Variants in STAG1 observed in about 807,000 individuals in gnomAD.
The protein encoded by STAG1 is cohesin subunit SA-1.
STAG1 carries 26 observed loss-of-function variants against 170.9 expected under a neutral mutation model. The ratio of observed to expected loss-of-function variants is 0.15; its 90% CI spans 0.11 to 0.21. The LOEUF (loss-of-function observed/expected upper bound fraction) is 0.21, where lower values mean the gene tolerates loss of function less well. Ranked by LOEUF, STAG1 falls within the 10% of genes least tolerant of loss-of-function variation. STAG1 has a pLI of 1.00. For missense variants in STAG1, 964 were observed against 1,509.5 expected, an observed-to-expected ratio of 0.64 and a Z score of 5.99; for synonymous variants, 514 against 497.7, an observed-to-expected ratio of 1.03 and a Z score of -0.44.
At chr3:136,548,644 T>C (rs191741563) in intron 5 of STAG1, among the ~76,000 whole-genome samples, 16 of 152,340 alleles carry the variant, frequency 1.1e-4, no homozygotes, top group Non-Finnish European at 2.2e-4. Flanking sequence ...CAATATTAAG[T>C]CTTCCAATTC....
intron 21 of STAG1, among the ~76,000 whole-genome samples, chr3:136,405,683 C>G (rs541121851): frequency 6.7e-6 from 1 of 149,366 alleles, no homozygotes; most frequent in South Asian, 2.1e-4. Context: ...TGGTGAACCC[C>G]GTTTCTATTA....
In STAG1 at chr3:136,584,780, T is replaced by C. The variant is rs75930460; in HGVS notation, c.298-15919A>G. Reference sequence around the variant, plus strand: ...ATGGGGCTTTTAACTTTCTTAATTATGTTTTTTCAGGTCCTCTCTGCATCC... The same window carrying C: ...ATGGGGCTTTTAACTTTCTTAATTACGTTTTTTCAGGTCCTCTCTGCATCC... On this transcript the variant is annotated intron_variant, in intron 4 of 33. Transcript: ENST00000383202. Among the ~76,000 whole-genome samples, 690 of 152,324 alleles carry C rather than the reference T, an allele frequency of 4.5e-3. 7 individuals are homozygous for C. The highest frequency in any genetic ancestry group is 0.016 in the African/African-American group (673 of 41,572).
intron 1 of STAG1, among the ~76,000 whole-genome samples, chr3:136,751,190 T>G (rs1433679841): frequency 9.2e-5 from 14 of 152,000 alleles, no homozygotes; most frequent in Admixed American, 2.6e-4. Flanking sequence ...TTTTTGTTTT[T>G]TTTTTGTCTG....
chr3:136,568,286 T>C (rs1231449634), intron 5 of STAG1, among the ~76,000 whole-genome samples: 2 of 152,180 alleles, frequency 1.3e-5, no homozygotes, highest in East Asian at 3.9e-4. Flanking sequence ...AATTACACTT[T>C]AACAAACTGT....
chr3:136,390,736 T>C (rs1246595433), intron 22 of STAG1, among the ~76,000 whole-genome samples: 2 of 152,204 alleles, frequency 1.3e-5, no homozygotes, highest in Non-Finnish European at 2.9e-5. Flanking sequence ...ACTCTGCAGA[T>C]AGGGAGTTGC....
intron 1 of STAG1, among the ~76,000 whole-genome samples, chr3:136,646,799 G>A (rs1305849623): frequency 3.9e-5 from 6 of 151,994 alleles, no homozygotes; most frequent in Non-Finnish European, 5.9e-5. Context: ...CCAGCTACTC[G>A]GGAGGCTGAG....
In STAG1 at chr3:136,337,278, ATGAT is replaced by A. The variant is rs113232719; in HGVS notation, c.*972_*975del. The A allele has an allele frequency of 2.0e-5, 3 of 152,634 alleles. No homozygotes were observed. Among genetic ancestry groups the A allele is most frequent in the Non-Finnish European group, 4.4e-5 (3 of 68,024 alleles). The allele number at this position is 152,634 out of a possible 1,614,324, so 9.5% of individuals were successfully genotyped here. On this transcript the variant is annotated 3_prime_UTR_variant, in exon 34 of 34. Transcript: ENST00000383202. ...ATGTTACACTTAAAATTACTTTTGA[ATGAT>A]TGATAAAGGATTTCTTCATGATTGA... is the stretch of plus-strand genomic sequence containing the variant.
chr3:136,630,789 G>A (rs961347855), intron 2 of STAG1, 81 bp downstream of exon 2: 34 of 983,186 alleles, frequency 3.5e-5, no homozygotes, highest in Admixed American at 4.6e-5. Flanking sequence ...ATGTATCATC[G>A]AAGAGAGCAT....
chr3:136,443,648 T>G (rs2088694602), intron 14 of STAG1, among the ~76,000 whole-genome samples: 1 of 152,204 alleles, frequency 6.6e-6, no homozygotes, highest in African/African-American at 2.4e-5. Context: ...ATGACATCAT[T>G]TATAGATGAG....
rs1266614712 is a variant in STAG1, at chr3:136,337,941, C to T, written c.*313G>A. ...AAAACAGGTGTATAACAGTGTTTAT[C>T]TTGACAGCTGTTTTAAAAATTTAAA... On this transcript the variant is annotated 3_prime_UTR_variant, in exon 34 of 34. Transcript: ENST00000383202. The T allele has an allele frequency of 7.5e-6, 2 of 268,040 alleles. No individual in the cohort carries two copies. Among genetic ancestry groups the T allele is most frequent in the Non-Finnish European group, 1.4e-5 (2 of 143,562 alleles). The allele number at this position is 268,040 out of a possible 1,614,324, so 16.6% of individuals were successfully genotyped here. A position where few individuals can be genotyped will look rare whatever the true frequency, so the allele number is the denominator to read the frequency against.
At chr3:136,361,167 AG>A (rs1258550619) in intron 26 of STAG1, among the ~76,000 whole-genome samples, 1 of 152,212 alleles carries the variant, frequency 6.6e-6, no homozygotes, top group African/African-American at 2.4e-5. Context: ...AAAGTTTTCT[AG>A]ATCAGTGTAG....
chr3:136,700,116 A>G (rs1943007940), intron 1 of STAG1, among the ~76,000 whole-genome samples: 1 of 150,852 alleles, frequency 6.6e-6, no homozygotes, highest in Admixed American at 6.7e-5. Flanking sequence ...CTGTTCTACA[A>G]CATGCCTATA....
chr3:136,592,686 G>C (rs550690406), intron 4 of STAG1, among the ~76,000 whole-genome samples: 72 of 152,282 alleles, frequency 4.7e-4, no homozygotes, highest in African/African-American at 1.6e-3. Context: ...GCTAAGGTTA[G>C]TTGCCAAATA....
intron 22 of STAG1, among the ~76,000 whole-genome samples, chr3:136,398,179 G>A (rs182770866): frequency 5.9e-5 from 9 of 151,682 alleles, no homozygotes; most frequent in East Asian, 5.8e-4. Flanking sequence ...GAGCAGTGGC[G>A]TGATCTGAGC....
intron 4 of STAG1, among the ~76,000 whole-genome samples, chr3:136,588,952 G>A (rs946389157): frequency 6.6e-6 from 1 of 152,050 alleles, no homozygotes; most frequent in Non-Finnish European, 1.5e-5. Flanking sequence ...TAGCAGAGAA[G>A]GGGTTTCACT....
intron 1 of STAG1, among the ~76,000 whole-genome samples, chr3:136,742,316 G>A (rs1471862810): frequency 3.3e-5 from 5 of 152,082 alleles, no homozygotes; most frequent in African/African-American, 4.8e-5. Flanking sequence ...CATAAAATAA[G>A]TTTCAATAAA....
chr3:136,340,700 G>C, intron 31 of STAG1, 95 bp from the exon 32 acceptor site: 2 of 744,676 alleles, frequency 2.7e-6, no homozygotes, highest in Non-Finnish European at 4.8e-6. Context: ...ACCAAGTGAA[G>C]TATACCTTCT....
chr3:136,462,573 T>C (rs1302555331), intron 13 of STAG1, among the ~76,000 whole-genome samples: 1 of 152,142 alleles, frequency 6.6e-6, no homozygotes, highest in East Asian at 1.9e-4. Flanking sequence ...AAAATACAGT[T>C]AGAAGAAATA....
chr3:136,733,980 A>G (rs1410452590), intron 1 of STAG1, among the ~76,000 whole-genome samples: 1 of 151,850 alleles, frequency 6.6e-6, no homozygotes. Flanking sequence ...GGTGGCGGGC[A>G]CCTGTAGTCC....
Sources: gnomAD v4.1 joint callset for allele counts (sites outside exome capture counted in the v4.1 genomes callset) on GRCh38, gnomAD v4.1.1 for gene constraint, MANE v1.5 for transcripts, NCBI Gene and HGNC (gene_info 2026-07-23, HGNC 2026-07-21) for gene names.